TLCD3B: variants seen among roughly 807,000 people sequenced by gnomAD.
TLCD3B encodes the protein TLC domain containing 3B.
A neutral mutation model predicts 23.0 loss-of-function variants in TLCD3B; 9 were observed. The ratio of observed to expected loss-of-function variants is 0.39; its 90% confidence interval spans 0.24 to 0.68. The LOEUF is 0.68. Ranked by LOEUF, TLCD3B falls within the 30% of genes least tolerant of loss-of-function variation. The pLI, the probability that TLCD3B is intolerant of heterozygous loss-of-function variation, is 0.44. For synonymous variants in TLCD3B, 161 were observed against 161.0 expected, an observed-to-expected ratio of 1.00 and a Z score of 0.00; for missense variants, 307 against 371.8, an observed-to-expected ratio of 0.83 and a Z score of 1.43.
intron 1 of TLCD3B, among the ~76,000 whole-genome samples, chr16:30,052,415 G>C (rs987065650): frequency 3.3e-5 from 5 of 151,630 alleles, no homozygotes; most frequent in Non-Finnish European, 7.4e-5. Flanking sequence ...AAAAGAACCG[G>C]GCCCGGCGCG....
rs141216893 is a variant in TLCD3B at position 30,036,282 on chromosome 16, CAAAAT to C, written c.-66-73_-66-69del. ...TTTAAAATGACATTTGTTGAAAAAA[CAAAAT>C]AAAGCCAAAGCGATTGTTGTTCCAT... On this transcript the variant is annotated intron_variant, in intron 3 of 6. Transcript: ENST00000561666. The C allele has an allele frequency of 3.3e-3, 4,201 of 1,288,918 alleles. 116 individuals carry two copies. In the African/African-American group the frequency reaches 0.058, roughly 18 times the overall value. 79.8% of individuals were successfully genotyped at this position (1,288,918 alleles called of 1,614,324 possible). A position where few individuals can be genotyped will look rare whatever the true frequency, so the allele number is the denominator to read the frequency against.
chr16:30,028,396 G>A (rs907267833), intron 2 of TLCD3B, among the ~76,000 whole-genome samples: 1 of 152,134 alleles, frequency 6.6e-6, no homozygotes, highest in Non-Finnish European at 1.5e-5. Context: ...GGAGCAGGGG[G>A]TACAGAAGCT....
At chr16:30,047,171 A>G (rs75285809) in intron 1 of TLCD3B, among the ~76,000 whole-genome samples, 2,560 of 144,230 alleles carry the variant, frequency 0.018, 39 homozygotes, top group East Asian at 0.1. Flanking sequence ...CTGTCTGTCT[A>G]TCTATCTATC....
intron 2 of TLCD3B, among the ~76,000 whole-genome samples, chr16:30,043,181 CATAAT>C (rs1387040937): frequency 6.6e-6 from 1 of 152,102 alleles, no homozygotes. Context: ...TATTAACTAA[CATAAT>C]ATCCACAATA....
rs2071288464 is a variant in TLCD3B at position 30,029,547 on chromosome 16, C to T, written c.126-32G>A. 3 of 1,573,062 alleles carry T rather than the reference C, an allele frequency of 1.9e-6. No individual in the cohort carries two copies. The East Asian group carries it at 6.7e-5, about 35-fold the overall frequency. On this transcript the variant is annotated intron_variant, in intron 1 of 4. Coordinates refer to ENST00000380495, the MANE Select transcript of TLCD3B (RefSeq NM_031478.6). This position sits in a 1 kb window ranked among gnomAD's most constrained non-coding sequence, Gnocchi z 4.6. ...GAGAGAGGGAGGCGTGCTAGAAAGGCAGAAGGGAAGAGGCGTGTGCCTTGA... is the reference window on the plus strand; with the variant it reads ...GAGAGAGGGAGGCGTGCTAGAAAGGTAGAAGGGAAGAGGCGTGTGCCTTGA...
chr16:30,041,574 T>C (rs567941539), intron 2 of TLCD3B, among the ~76,000 whole-genome samples: 2 of 152,118 alleles, frequency 1.3e-5, no homozygotes, highest in African/African-American at 4.8e-5. Flanking sequence ...TACAAAAAAT[T>C]AGCTGGGCAT....
At chr16:30,042,225 T>C (rs1451319845) in intron 2 of TLCD3B, among the ~76,000 whole-genome samples, 1 of 151,930 alleles carries the variant, frequency 6.6e-6, no homozygotes, top group East Asian at 1.9e-4. Flanking sequence ...TTTATTTATT[T>C]ACTTATTTAT....
intron 3 of TLCD3B, among the ~76,000 whole-genome samples, chr16:30,037,308 C>T (rs1426752741): frequency 2.0e-5 from 3 of 151,158 alleles, no homozygotes; most frequent in East Asian, 3.9e-4. Flanking sequence ...TTTGGGAGGC[C>T]GAGGCGGGCA....
chr16:30,031,480 C>T (rs2150984680), upstream of TLCD3B, among the ~76,000 whole-genome samples: 1 of 152,306 alleles, frequency 6.6e-6, no homozygotes, highest in East Asian at 1.9e-4. Flanking sequence ...ACCCTGCTTC[C>T]CATCAGCACT....
chr16:30,025,302 G>T lies in TLCD3B; in HGVS notation c.706C>A (p.Leu236Met). 1.3e-6 allele frequency: 2 copies of T among 1,559,292 alleles called. No individual in the cohort carries two copies. The highest frequency in any genetic ancestry group is 1.7e-6 in the Non-Finnish European group (2 of 1,151,254). Residue 236 changes from leucine to methionine, a missense_variant, in exon 5 of 5, where the codon CTG (leucine) becomes ATG (methionine). Transcript: ENST00000380495. This position sits in a 1 kb window ranked among gnomAD's most constrained non-coding sequence, Gnocchi z 4.1. Reference protein sequence around the residue: ...VPLAIPAHVNLGAALLLAPQL... With the variant: ...VPLAIPAHVNMGAALLLAPQL... ...GGGGCCAGGAGCAGCGCAGCGCCCA[G>T]GTTGACGTGGGCAGGGATGGCCAGG...
upstream of TLCD3B, chr16:30,036,168 G>T (rs2071469439): frequency 3.1e-6 from 4 of 1,288,492 alleles, no homozygotes; most frequent in South Asian, 3.7e-5. Context: ...AGAGGGACAG[G>T]TTGGAAGACA....
intron 1 of TLCD3B, chr16:30,030,194 G>C (rs1596748961): frequency 7.4e-7 from 1 of 1,357,328 alleles, no homozygotes; most frequent in African/African-American, 1.4e-5. Context: ...CTGAACACTA[G>C]TAGACCAGAT....
In TLCD3B at chr16:30,025,432, G is replaced by A. The variant is rs757482162; in HGVS notation, c.576C>T (p.Asn192=). 4 of 1,612,454 alleles carry A rather than the reference G, an allele frequency of 2.5e-6. No individual in the cohort carries two copies. Among genetic ancestry groups the A allele is most frequent in the South Asian group, 1.1e-5 (1 of 90,890 alleles). ...GGAAGCTGAGCAGCATCAGGGCCCC[G>A]TTCACCTTGTGCAGCAGTGTGTGCT... ...KQQHTLLHKV[N]GALMLLSFLC... is the part of the protein sequence containing the mutation. The change falls in exon 5 of 5, where the codon AAC becomes AAT. Residue 192 remains asparagine (N), a synonymous_variant. Transcript: ENST00000380495. This position sits in a 1 kb window ranked among gnomAD's most constrained non-coding sequence, Gnocchi z 4.1.
Position 30,025,317 on chromosome 16 carries a change from G to A in TLCD3B, c.691C>T (p.Pro231Ser). 1 of 1,568,916 alleles carries A rather than the reference G, an allele frequency of 6.4e-7. No individual in the cohort carries two copies. The highest frequency in any genetic ancestry group is 8.6e-7 in the Non-Finnish European group (1 of 1,156,220). The change falls in exon 5 of 5, where the codon CCT (proline) becomes TCT (serine). Residue 231 changes from proline (P) to serine (S), a missense_variant. Physicochemically the swap from Pro to Ser is moderately conservative, Grantham distance 74. Coordinates refer to ENST00000380495, the MANE Select transcript of TLCD3B (RefSeq NM_031478.6). The surrounding 1 kb of genome is among the most constrained non-coding windows in gnomAD (Gnocchi z 4.1). Reference protein sequence around the residue: ...LPLLAVPLAIPAHVNLGAALL... With the variant: ...LPLLAVPLAISAHVNLGAALL... ...GCAGCGCCCAGGTTGACGTGGGCAG[G>A]GATGGCCAGGGGCACGGCCAGCAGG...
upstream of TLCD3B, chr16:30,035,250 A>T: frequency 4.1e-6 from 5 of 1,224,152 alleles, no homozygotes; most frequent in Non-Finnish European, 4.2e-6. Flanking sequence ...GCTCCACTCC[A>T]CACTCTGCTT....
rs2071052567 is a variant in TLCD3B at position 30,025,165 on chromosome 16, G to A, written c.*18C>T. 7.1e-7 allele frequency: 1 copy of A among 1,418,102 alleles called. No individual in the cohort carries two copies. Among genetic ancestry groups the A allele is most frequent in the Non-Finnish European group, 9.2e-7 (1 of 1,082,240 alleles). 87.8% of individuals were successfully genotyped at this position (1,418,102 alleles called of 1,614,324 possible). A position where few individuals can be genotyped will look rare whatever the true frequency, so the allele number is the denominator to read the frequency against. ...ACGGGGGTGGGGGTGGGGAGGGGGA[G>A]GGTCCCGGCCCCCGGCCTCAGTCCT... On this transcript the variant is annotated 3_prime_UTR_variant, in exon 5 of 5. Transcript: ENST00000380495. The surrounding 1 kb of genome is among the most constrained non-coding windows in gnomAD (Gnocchi z 4.1).
upstream of TLCD3B, chr16:30,035,617 C>T: frequency 1.4e-6 from 1 of 725,404 alleles, no homozygotes; most frequent in Non-Finnish European, 1.9e-6. Context: ...TGAAAGCCAC[C>T]AGGCAAACCT....
intron 2 of TLCD3B, 23 bp from the exon 3 acceptor site, chr16:30,026,866 G>A: frequency 6.2e-7 from 1 of 1,600,792 alleles, no homozygotes; most frequent in Non-Finnish European, 8.5e-7. Context: ...GAGACGGGGT[G>A]GGGGAGCAAG....
chr16:30,038,841 T>A (rs369292156), intron 3 of TLCD3B, among the ~76,000 whole-genome samples: 3 of 152,258 alleles, frequency 2.0e-5, no homozygotes, highest in African/African-American at 7.2e-5. Flanking sequence ...CACCTCTGTT[T>A]TACAGATCAG....
Sources: gnomAD v4.1 joint callset for allele counts (sites outside exome capture counted in the v4.1 genomes callset) on GRCh38, gnomAD v4.1.1 for gene constraint, Gnocchi (gnomAD v3.1) non-coding constraint, MANE v1.5 for transcripts, NCBI Gene and HGNC (gene_info 2026-07-23, HGNC 2026-07-21) for gene names.